Variants in ARB2A observed in about 807,000 individuals in gnomAD.
ARB2A encodes the protein cotranscriptional regulator ARB2A.
chr5:93,654,712 C>T, the ARB2A span, among the ~76,000 whole-genome samples: 1 of 152,268 alleles, frequency 6.6e-6, no homozygotes, highest in East Asian at 1.9e-4. Context: ...TCCTTGTTAC[C>T]TGCAAAACTT....
the ARB2A span, among the ~76,000 whole-genome samples, chr5:93,642,659 C>T: frequency 1.3e-5 from 2 of 152,074 alleles, no homozygotes; most frequent in African/African-American, 4.8e-5. Flanking sequence ...TAGACATGAG[C>T]CACTGTGACC....
At chr5:93,782,181 C>G in the ARB2A span, among the ~76,000 whole-genome samples, 5 of 152,150 alleles carry the variant, frequency 3.3e-5, no homozygotes, top group Non-Finnish European at 5.9e-5. Context: ...CTCCATCAGG[C>G]ATGATCTAAT....
At chr5:93,913,589 T>TA in the ARB2A span, among the ~76,000 whole-genome samples, 51 of 151,702 alleles carry the variant, frequency 3.4e-4, no homozygotes, top group East Asian at 7.9e-3. Context: ...TAGAAAAGGA[T>TA]AAAAAAAAGT....
the ARB2A span, among the ~76,000 whole-genome samples, chr5:94,106,890 A>C: frequency 1.3e-5 from 2 of 151,248 alleles, no homozygotes; most frequent in African/African-American, 4.8e-5. Context: ...AAAAAAAAAA[A>C]AACAAATACC....
chr5:93,839,398 T>C, the ARB2A span, among the ~76,000 whole-genome samples: 3 of 152,190 alleles, frequency 2.0e-5, no homozygotes, highest in African/African-American at 7.2e-5. Context: ...TTGATTGTGG[T>C]GGATTAGCTT....
the ARB2A span, among the ~76,000 whole-genome samples, chr5:94,056,586 G>A: frequency 6.6e-6 from 1 of 152,098 alleles, no homozygotes; most frequent in African/African-American, 2.4e-5. Context: ...TGACACGACT[G>A]TTTTTAAAGC....
chr5:93,670,548 T>C, the ARB2A span, among the ~76,000 whole-genome samples: 2 of 152,268 alleles, frequency 1.3e-5, no homozygotes, highest in Non-Finnish European at 2.9e-5. Flanking sequence ...CCATGTACCA[T>C]GTCTGTTATT....
the ARB2A span, chr5:93,618,897 T>G: frequency 6.6e-5 from 10 of 152,236 alleles, no homozygotes; most frequent in African/African-American, 2.4e-4. Context: ...ATTTGGTTTA[T>G]AAACAGCATA....
At chr5:93,847,472 C>T in the ARB2A span, among the ~76,000 whole-genome samples, 1 of 151,770 alleles carries the variant, frequency 6.6e-6, no homozygotes, top group Non-Finnish European at 1.5e-5. Flanking sequence ...CAAACATATC[C>T]TAGTTTACAA....
At chr5:93,907,978 T>C in the ARB2A span, among the ~76,000 whole-genome samples, 87 of 151,388 alleles carry the variant, frequency 5.7e-4, no homozygotes, top group African/African-American at 2.0e-3. Flanking sequence ...TATCTTGATA[T>C]AGCATATCAT....
At chr5:93,967,599 C>T in the ARB2A span, among the ~76,000 whole-genome samples, 3 of 151,994 alleles carry the variant, frequency 2.0e-5, no homozygotes, top group Non-Finnish European at 4.4e-5. Context: ...GAGGTTCAAC[C>T]TTAAGGGGGA....
the ARB2A span, chr5:93,734,392 G>A: frequency 2.0e-5 from 3 of 152,156 alleles, no homozygotes; most frequent in Non-Finnish European, 2.9e-5. Flanking sequence ...TGGCAAAAGG[G>A]AAGGTGCTTC....
At chr5:93,957,509 T>C in the ARB2A span, among the ~76,000 whole-genome samples, 1 of 152,122 alleles carries the variant, frequency 6.6e-6, no homozygotes, top group Non-Finnish European at 1.5e-5. Context: ...TAATATTTTA[T>C]GTGAGTTAAT....
the ARB2A span, among the ~76,000 whole-genome samples, chr5:93,742,385 CT>C: frequency 6.6e-6 from 1 of 152,164 alleles, no homozygotes; most frequent in Non-Finnish European, 1.5e-5. Flanking sequence ...AGGATGCTCC[CT>C]GCAATATATG....
chr5:93,956,806 G>A, the ARB2A span, among the ~76,000 whole-genome samples: 2 of 151,908 alleles, frequency 1.3e-5, no homozygotes, highest in Non-Finnish European at 2.9e-5. Context: ...AACCCTTGAA[G>A]AAAACACTAT....
the ARB2A span, among the ~76,000 whole-genome samples, chr5:94,083,804 A>G: frequency 5.1e-4 from 78 of 152,056 alleles, no homozygotes; most frequent in East Asian, 8.5e-3. Context: ...AACAAAAAGA[A>G]TCAAAAAACA....
the ARB2A span, among the ~76,000 whole-genome samples, chr5:93,775,308 T>C: frequency 6.6e-6 from 1 of 152,222 alleles, no homozygotes; most frequent in Non-Finnish European, 1.5e-5. Flanking sequence ...TCACTTGTGA[T>C]TGTTAACATA....
chr5:93,968,746 G>C, the ARB2A span, among the ~76,000 whole-genome samples: 1 of 151,938 alleles, frequency 6.6e-6, no homozygotes, highest in African/African-American at 2.4e-5. Context: ...ATAAAACAAA[G>C]AAACAAACAA....
At chr5:94,016,065 C>T in the ARB2A span, among the ~76,000 whole-genome samples, 3 of 152,166 alleles carry the variant, frequency 2.0e-5, no homozygotes, top group Non-Finnish European at 4.4e-5. Flanking sequence ...TATAAAGACA[C>T]ACAGACTGAA....
Sources: allele counts gnomAD v4.1 joint callset (sites outside exome capture counted in the v4.1 genomes callset), GRCh38; gene constraint gnomAD v4.1.1; transcripts MANE v1.5; gene names NCBI Gene and HGNC (gene_info 2026-07-23, HGNC 2026-07-21).